The following BTBD16 variants were observed in gnomAD, a reference collection of about 807,000 sequenced individuals.
BTBD16 encodes the protein BTB/POZ domain-containing protein 16.
In BTBD16, 66 loss-of-function variants were observed where a neutral mutation model predicts 67.4. That is an observed-to-expected ratio of 0.98 (90% CI 0.80 to 1.20). The LOEUF (loss-of-function observed/expected upper bound fraction) is 1.20. BTBD16 is among the 50% of genes most tolerant of loss of function. BTBD16 has a pLI of 0.00. For missense variants in BTBD16, 634 were observed against 616.0 expected (o/e 1.03, Z -0.31); for synonymous variants, 242 against 236.4 (o/e 1.02, Z -0.22).
chr10:122,276,305 T>A (rs925363199), intron 2 of BTBD16, among the ~76,000 whole-genome samples: 7 of 152,216 alleles, frequency 4.6e-5, no homozygotes, highest in Admixed American at 4.6e-4. Context: ...ATTGGTTGCA[T>A]AACGTTGTAA....
At chr10:122,329,884 A>G (rs2096452382) in intron 11 of BTBD16, among the ~76,000 whole-genome samples, 1 of 152,186 alleles carries the variant, frequency 6.6e-6, no homozygotes, top group Non-Finnish European at 1.5e-5. Flanking sequence ...CTACCTCTTC[A>G]CATGCTTCAC....
intron 10 of BTBD16, among the ~76,000 whole-genome samples, chr10:122,318,058 A>G (rs1294693056): frequency 6.6e-6 from 1 of 152,126 alleles, no homozygotes; most frequent in East Asian, 1.9e-4. Context: ...TACACCAACC[A>G]CACCACAAAC....
intron 8 of BTBD16, 32 bp from the exon 9 acceptor site, chr10:122,298,972 T>G: frequency 1.2e-6 from 2 of 1,610,952 alleles, no homozygotes; most frequent in South Asian, 2.2e-5. Flanking sequence ...AGCTCAGGAC[T>G]TCCTTCATCA....
intron 15 of BTBD16, among the ~76,000 whole-genome samples, chr10:122,337,749 CT>C (rs1414971554): frequency 2.0e-4 from 30 of 152,306 alleles, no homozygotes; most frequent in African/African-American, 6.5e-4. Context: ...AAATATTTGT[CT>C]TGTTCAGGGT....
intron 3 of BTBD16, among the ~76,000 whole-genome samples, chr10:122,281,909 A>C (rs2142051778): frequency 6.6e-6 from 1 of 152,268 alleles, no homozygotes; most frequent in Non-Finnish European, 1.5e-5. Flanking sequence ...GCCTAACAGC[A>C]CGTTCCCAGC....
intron 12 of BTBD16, 106 bp downstream of exon 12, chr10:122,331,364 G>A: frequency 6.7e-7 from 1 of 1,493,292 alleles, no homozygotes; most frequent in Non-Finnish European, 8.9e-7. Flanking sequence ...AACCTCTGAG[G>A]TCAGGACATA....
intron 4 of BTBD16, among the ~76,000 whole-genome samples, chr10:122,285,893 C>T (rs2146095): frequency 0.2 from 30,428 of 151,928 alleles, 3,708 homozygotes; most frequent in East Asian, 0.42. Context: ...CCTGGGTGAC[C>T]CTGTAAGACT....
At chr10:122,326,085 A>T (rs188131446) in intron 10 of BTBD16, among the ~76,000 whole-genome samples, 15 of 152,166 alleles carry the variant, frequency 9.9e-5, no homozygotes, top group Non-Finnish European at 2.1e-4. Flanking sequence ...TTATTGCCCT[A>T]AAATGTGTAT....
chr10:122,273,245 T>TATATAC (rs1249462780), intron 1 of BTBD16, among the ~76,000 whole-genome samples: 49 of 139,484 alleles, frequency 3.5e-4, no homozygotes, highest in African/African-American at 9.8e-4. Context: ...TATATATATA[T>TATATAC]ACACACATAC....
chr10:122,278,615 T>C (rs1052067758), intron 3 of BTBD16, among the ~76,000 whole-genome samples: 1 of 152,196 alleles, frequency 6.6e-6, no homozygotes, highest in East Asian at 1.9e-4. Flanking sequence ...CCCCCTTTAT[T>C]TCACTCTGCC....
At chr10:122,336,397 C>T in intron 14 of BTBD16, 97 bp from the exon 15 acceptor site, 1 of 1,091,712 alleles carries the variant, frequency 9.2e-7, no homozygotes, top group East Asian at 2.9e-5. Flanking sequence ...TGCCTGCACA[C>T]ATTATATACC....
chr10:122,314,166 C>T (rs771282952), intron 10 of BTBD16, among the ~76,000 whole-genome samples: 1 of 152,122 alleles, frequency 6.6e-6, no homozygotes, highest in Non-Finnish European at 1.5e-5. Context: ...AAATTGACCT[C>T]TTTAGAATAC....
At chr10:122,316,848 G>A (rs2096425664) in intron 10 of BTBD16, among the ~76,000 whole-genome samples, 1 of 151,972 alleles carries the variant, frequency 6.6e-6, no homozygotes, top group South Asian at 2.1e-4. Flanking sequence ...GAGTGCAACG[G>A]CGCAATCTCG....
At chr10:122,285,528 G>A (rs919536316) in intron 4 of BTBD16, among the ~76,000 whole-genome samples, 6 of 152,152 alleles carry the variant, frequency 3.9e-5, no homozygotes, top group Non-Finnish European at 7.3e-5. Flanking sequence ...ACAGGGAACT[G>A]GGGGGTGATT....
At chr10:122,304,157 G>A (rs899964576) in intron 9 of BTBD16, among the ~76,000 whole-genome samples, 31 of 152,234 alleles carry the variant, frequency 2.0e-4, no homozygotes, top group African/African-American at 4.6e-4. Context: ...CTCCCCTTCC[G>A]GCCTCACGAT....
intron 3 of BTBD16, among the ~76,000 whole-genome samples, chr10:122,279,985 T>C (rs1039707322): frequency 6.6e-6 from 1 of 152,178 alleles, no homozygotes; most frequent in Non-Finnish European, 1.5e-5. Context: ...TTCTGCCGTG[T>C]CTGGGTTTTC....
intron 1 of BTBD16, among the ~76,000 whole-genome samples, chr10:122,274,665 G>T (rs1009042949): frequency 1.3e-5 from 2 of 152,168 alleles, no homozygotes; most frequent in Admixed American, 6.5e-5. Flanking sequence ...TACAGCCATT[G>T]TCCAGGCCTA....
chr10:122,336,468 C>T (rs748274318), intron 14 of BTBD16, 26 bp from the exon 15 acceptor site: 6 of 1,577,470 alleles, frequency 3.8e-6, no homozygotes, highest in Non-Finnish European at 5.2e-6. Flanking sequence ...TGCAGTTCCA[C>T]CTAAGGTGAA....
In BTBD16 at chr10:122,320,138, C is replaced by T. The variant is rs149985140; in HGVS notation, c.912-9342C>T. Among the ~76,000 whole-genome samples the T allele has an allele frequency of 3.5e-3, 533 of 152,064 alleles. 5 individuals carry two copies. Among genetic ancestry groups the T allele is most frequent in the African/African-American group, 0.011 (462 of 41,506 alleles). ...GAATCTACATAGGCAATCATATCAC[C>T]TGTAAAAAAAGACAATTTTATTTCT... On this transcript the variant is annotated intron_variant, in intron 10 of 15. Coordinates refer to ENST00000260723, the MANE Select transcript of BTBD16 (RefSeq NM_144587.5).
Sources: allele counts gnomAD v4.1 joint callset (sites outside exome capture counted in the v4.1 genomes callset), GRCh38; gene constraint gnomAD v4.1.1; transcripts MANE v1.5; gene names NCBI Gene and HGNC (gene_info 2026-07-23, HGNC 2026-07-21).